The following NBPF9 variants were observed in gnomAD, a reference collection of about 807,000 sequenced individuals.
NBPF9 encodes NBPF family member NBPF9.
Under a neutral mutation model 97.8 loss-of-function variants are expected in NBPF9, and 91 were observed. The ratio of observed to expected loss-of-function variants is 0.93; its 90% CI spans 0.79 to 1.11. NBPF9 has a LOEUF of 1.11. Among genes scored for constraint, NBPF9 ranks in the 50% least tolerant of loss-of-function variants. NBPF9 has a pLI of 0.00. For missense variants in NBPF9, 992 were observed against 939.5 expected, an observed-to-expected ratio of 1.06 and a Z score of -0.73; for synonymous variants, 334 against 359.5, an observed-to-expected ratio of 0.93 and a Z score of 0.80.
intron 5 of NBPF9, among the ~76,000 whole-genome samples, chr1:149,089,113 A>T (rs1559542218): frequency 6.6e-6 from 1 of 151,914 alleles, no homozygotes; most frequent in Non-Finnish European, 1.5e-5. Context: ...CTCTTCCAGA[A>T]CCCTGTTGTT....
rs1205036710 is a variant in NBPF9, at chr1:149,059,504, A to T, written c.2585+196T>A. 10 of 401,168 alleles carry T rather than the reference A, an allele frequency of 2.5e-5. 2 individuals are homozygous for T. The highest frequency in any genetic ancestry group is 8.5e-5 in the Admixed American group (2 of 23,484). The allele number at this position is 401,168 out of a possible 1,614,324, so 24.9% of individuals were successfully genotyped here. On this transcript the variant is annotated intron_variant, in intron 25 of 29. Coordinates refer to ENST00000584027, the Ensembl canonical transcript of NBPF9. Reference sequence around the variant, plus strand: ...ACAGCTTTTGAAGTATGGTCAACCTATGGTACGTTAGGAAATGATAAGGGG... The same window carrying T: ...ACAGCTTTTGAAGTATGGTCAACCTTTGGTACGTTAGGAAATGATAAGGGG...
chr1:149,061,917 A>G lies in NBPF9; in HGVS notation c.2251+176T>C, dbSNP rs1461025388. On this transcript the variant is annotated intron_variant, in intron 22 of 29. Coordinates refer to ENST00000584027, the Ensembl canonical transcript of NBPF9. The stretch of plus-strand genomic sequence containing the variant: ...GGAATGGAGCCTTGCTCACTGACCC[A>G]TTTCATGTCTAGGCTTCCAGCTGAG... 3 of 463,298 alleles carry G rather than the reference A, an allele frequency of 6.5e-6. 1 individual carries two copies. Among genetic ancestry groups the G allele is most frequent in the Non-Finnish European group, 7.7e-6 (2 of 261,072 alleles). 28.7% of individuals were successfully genotyped at this position (463,298 alleles called of 1,614,324 possible).
At chr1:149,075,427 G>A (rs2079774521) in intron 12 of NBPF9, among the ~76,000 whole-genome samples, 1 of 152,196 alleles carries the variant, frequency 6.6e-6, no homozygotes, top group Non-Finnish European at 1.5e-5. Context: ...ATCAATAAAT[G>A]GCAGTTTAAC....
chr1:149,059,659 T>A lies in NBPF9; in HGVS notation c.2585+41A>T. On this transcript the variant is annotated intron_variant, in intron 25 of 29. Coordinates refer to ENST00000584027, the Ensembl canonical transcript of NBPF9. Reference sequence around the variant, plus strand: ...TTTCCCTGAATCTGTTGCCTCCAGGTGTTAACACAGAACTAAGGATCCAGA... The same window carrying A: ...TTTCCCTGAATCTGTTGCCTCCAGGAGTTAACACAGAACTAAGGATCCAGA... 7.1e-6 allele frequency: 4 copies of A among 559,788 alleles called. 1 individual carries two copies. Among genetic ancestry groups the A allele is most frequent in the East Asian group, 2.5e-5 (1 of 39,496 alleles). 34.7% of individuals were successfully genotyped at this position (559,788 alleles called of 1,614,324 possible).
intron 4 of NBPF9, among the ~76,000 whole-genome samples, chr1:149,093,422 G>C: frequency 6.6e-6 from 1 of 152,002 alleles, no homozygotes; most frequent in Non-Finnish European, 1.5e-5. Flanking sequence ...CCTCAGCACA[G>C]ACCCTTTATG....
intron 19 of NBPF9, among the ~76,000 whole-genome samples, chr1:149,064,103 G>T (rs1553651024): frequency 2.2e-5 from 3 of 138,540 alleles, no homozygotes; most frequent in Non-Finnish European, 4.6e-5. Context: ...CTCTGTATTT[G>T]TGCTCTCAGG....
At chr1:149,097,063 A>AAGGAAGG (rs2081816448) in intron 4 of NBPF9, among the ~76,000 whole-genome samples, 2 of 144,858 alleles carry the variant, frequency 1.4e-5, no homozygotes, top group African/African-American at 2.6e-5. Context: ...GGAGGGAGGG[A>AAGGAAGG]AGGAAGGAGG....
chr1:149,055,504 C>A (rs3979957), exon 30 of NBPF9: 6 of 1,523,636 alleles, frequency 3.9e-6, no homozygotes, highest in Non-Finnish European at 5.3e-6. Context: ...GCACAGGTTG[C>A]CACTGGCATG....
chr1:149,065,645 C>T lies in NBPF9; in HGVS notation c.1682G>A (p.Trp561Ter), dbSNP rs782495556. The T allele has an allele frequency of 1.2e-6, 2 of 1,603,234 alleles. No homozygotes were observed. Among genetic ancestry groups the T allele is most frequent in the African/African-American group, 2.7e-5 (2 of 74,368 alleles). Residue 561 changes from tryptophan to a stop codon, truncating the protein, a stop_gained, in exon 18 of 30, where the codon TGG becomes TAG. Coordinates refer to ENST00000584027, the Ensembl canonical transcript of NBPF9. LOFTEE classifies it high-confidence loss of function. ...TGAGGGAGTCGAATAACCTTCATCC[C>T]AGGACTCCTGGGGGACTTCCTCCTC...
intron 17 of NBPF9, chr1:149,066,019 A>T: frequency 2.1e-6 from 1 of 486,958 alleles, no homozygotes; most frequent in South Asian, 2.2e-5. Context: ...AATTGGGTTG[A>T]ATTTTACATG....
intron 5 of NBPF9, among the ~76,000 whole-genome samples, chr1:149,084,377 A>G (rs1396858269): frequency 6.8e-6 from 1 of 147,714 alleles, no homozygotes; most frequent in Non-Finnish European, 1.5e-5. Flanking sequence ...GTGTGTATAT[A>G]TAATACGTGT....
intron 29 of NBPF9, among the ~76,000 whole-genome samples, chr1:149,056,140 T>A (rs879996071): frequency 6.8e-6 from 1 of 146,530 alleles, no homozygotes; most frequent in African/African-American, 2.6e-5. Context: ...AGTGAGCTAG[T>A]GAATTGGCCA....
Position 149,082,254 on chromosome 1 carries a change from A to G in NBPF9, c.-36+18T>C. ...GGTTTAATCAGGACTGAGGGATGTC[A>G]GTAACTGAAATTCTTACCTTACTGT... On this transcript the variant is annotated intron_variant, in intron 6 of 29. Transcript: ENST00000584027. 1.5e-6 allele frequency: 2 copies of G among 1,302,432 alleles called. No individual in the cohort carries two copies. The highest frequency in any genetic ancestry group is 1.1e-6 in the Non-Finnish European group (1 of 908,002). 80.7% of individuals were successfully genotyped at this position (1,302,432 alleles called of 1,614,324 possible). A position where few individuals can be genotyped will look rare whatever the true frequency, so the allele number is the denominator to read the frequency against.
intron 11 of NBPF9, among the ~76,000 whole-genome samples, chr1:149,076,648 G>C (rs1324132978): frequency 6.7e-6 from 1 of 148,774 alleles, no homozygotes; most frequent in Admixed American, 6.7e-5. Context: ...GACTACAGGC[G>C]CCCACCACCA....
intron 21 of NBPF9, 50 bp downstream of exon 21, chr1:149,062,812 A>G (rs1312379781): frequency 8.2e-6 from 6 of 730,738 alleles, no homozygotes; most frequent in Non-Finnish European, 1.2e-5. Flanking sequence ...TGGACCTGGC[A>G]TCTCCAGGTG....
At chr1:149,084,121 G>C (rs2080768186) in intron 5 of NBPF9, among the ~76,000 whole-genome samples, 1 of 150,920 alleles carries the variant, frequency 6.6e-6, no homozygotes, top group South Asian at 2.1e-4. Flanking sequence ...TTGGACACAG[G>C]ACGGGGAACA....
intron 5 of NBPF9, among the ~76,000 whole-genome samples, chr1:149,082,928 C>T (rs1230692279): frequency 9.5e-5 from 14 of 146,774 alleles, no homozygotes; most frequent in Non-Finnish European, 1.3e-4. Context: ...TACAGGCGCC[C>T]GCCACCACGC....
intron 26 of NBPF9, among the ~76,000 whole-genome samples, chr1:149,058,502 T>C (rs1472408159): frequency 6.2e-5 from 1 of 16,068 alleles, no homozygotes; most frequent in Non-Finnish European, 1.4e-4. Context: ...TCAAAGAAAA[T>C]GCCCCAGATG....
intron 8 of NBPF9, 151 bp from the exon 9 acceptor site, chr1:149,079,372 A>C: frequency 1.3e-6 from 1 of 785,130 alleles, no homozygotes. Context: ...GGCCAAGAGA[A>C]AGAATAGAAA....
Sources: allele counts gnomAD v4.1 joint callset (sites outside exome capture counted in the v4.1 genomes callset), GRCh38; gene constraint gnomAD v4.1.1; transcripts MANE v1.5; gene names NCBI Gene and HGNC (gene_info 2026-07-23, HGNC 2026-07-21).